Variants in WDR27 observed in about 807,000 individuals in gnomAD.
WDR27 encodes WD repeat-containing protein 27.
In WDR27, 100 loss-of-function variants were observed where a neutral mutation model predicts 114.4. That is an observed-to-expected ratio of 0.87 (90% CI 0.74 to 1.03). The LOEUF (loss-of-function observed/expected upper bound fraction) is 1.03. WDR27 is among the 50% of genes least tolerant of loss of function. The pLI, the probability that WDR27 is intolerant of heterozygous loss-of-function variation, is 0.00. For missense variants in WDR27, 1,129 were observed against 1,092.9 expected, an observed-to-expected ratio of 1.03 and a Z score of -0.47; for synonymous variants, 449 against 423.1, an observed-to-expected ratio of 1.06 and a Z score of -0.75.
At chr6:169,592,350 C>T (rs947443935) in intron 23 of WDR27, among the ~76,000 whole-genome samples, 5 of 152,028 alleles carry the variant, frequency 3.3e-5, no homozygotes, top group Non-Finnish European at 7.4e-5. Flanking sequence ...TAGGATTTTG[C>T]GTTTGTCCAG....
chr6:169,621,224 A>G (rs1813056715), intron 21 of WDR27, among the ~76,000 whole-genome samples: 1 of 152,218 alleles, frequency 6.6e-6, no homozygotes. Context: ...GCATATACAC[A>G]CACATGCACA....
At chr6:169,427,581 G>A in the WDR27 span, among the ~76,000 whole-genome samples, 1 of 152,126 alleles carries the variant, frequency 6.6e-6, no homozygotes, top group South Asian at 2.1e-4. Flanking sequence ...TGGGTCTCTG[G>A]TGTCTTTCCC....
intron 24 of WDR27, 35 bp downstream of exon 24, chr6:169,582,801 A>C: frequency 6.5e-7 from 1 of 1,536,442 alleles, no homozygotes; most frequent in Non-Finnish European, 9.0e-7. Flanking sequence ...ACTTGTATGC[A>C]GCAGAGGCGC....
At chr6:169,611,805 G>A (rs894919110) in intron 22 of WDR27, among the ~76,000 whole-genome samples, 2 of 152,104 alleles carry the variant, frequency 1.3e-5, no homozygotes, top group African/African-American at 4.8e-5. Context: ...GGTCTTCAGG[G>A]GCAGTGAAAT....
At chr6:169,456,366 GTGGTGGC>G (rs1429878570), downstream of WDR27, among the ~76,000 whole-genome samples, 1 of 151,042 alleles carries the variant, frequency 6.6e-6, no homozygotes, top group Non-Finnish European at 1.5e-5. The surrounding 1 kb of genome is among the most constrained non-coding windows in gnomAD (Gnocchi z 4.0). Context: ...ATAGAGACAA[GTGGTGGC>G]TGGTGAAGCT....
intron 14 of WDR27, among the ~76,000 whole-genome samples, chr6:169,649,526 T>C (rs1214586929): frequency 6.6e-6 from 1 of 152,036 alleles, no homozygotes; most frequent in East Asian, 1.9e-4. Context: ...AATAGGACCC[T>C]GATGCTTGGC....
At position 169,638,044 on chromosome 6, in the gene WDR27, C is replaced by T. The variant is rs1018602561; in HGVS notation, c.1869+495G>A. Among the ~76,000 whole-genome samples, 6 of 79,674 alleles carry T rather than the reference C, an allele frequency of 7.5e-5. 1 individual carries two copies. The highest frequency in any genetic ancestry group is 3.0e-4 in the African/African-American group (3 of 10,080). 52.3% of individuals were successfully genotyped at this position (79,674 alleles called of 152,430 possible). On this transcript the variant is annotated intron_variant, in intron 18 of 25. Coordinates refer to ENST00000448612, the MANE Select transcript of WDR27 (RefSeq NM_182552.5). ...ATTTAAGAAACTAATTGGCCGGGCG[C>T]GGTGGCTCACGCCTGTAATCCCAGC...
chr6:169,500,616 G>C (rs1013414511), intron 25 of WDR27, among the ~76,000 whole-genome samples: 3 of 152,132 alleles, frequency 2.0e-5, no homozygotes, highest in Non-Finnish European at 4.4e-5. Context: ...GTGGAGGAGG[G>C]GCAATGAGTA....
At chr6:169,566,299 T>G (rs1179161721) in intron 25 of WDR27, among the ~76,000 whole-genome samples, 1 of 152,208 alleles carries the variant, frequency 6.6e-6, no homozygotes, top group Non-Finnish European at 1.5e-5. Flanking sequence ...AGCTTGTGGC[T>G]AGACAGCAGC....
intron 23 of WDR27, among the ~76,000 whole-genome samples, chr6:169,600,128 A>G (rs528579114): frequency 2.0e-4 from 31 of 152,272 alleles, no homozygotes; most frequent in South Asian, 1.7e-3. Context: ...TCTGAGAGAC[A>G]GTTTGTTATA....
chr6:169,607,111 A>T (rs1290463911), intron 22 of WDR27, among the ~76,000 whole-genome samples: 1 of 152,216 alleles, frequency 6.6e-6, no homozygotes, highest in African/African-American at 2.4e-5. Flanking sequence ...GGATGCAGGG[A>T]AAAGGGAAAG....
the WDR27 span, among the ~76,000 whole-genome samples, chr6:169,439,938 ATAAT>A: frequency 2.7e-5 from 4 of 146,470 alleles, no homozygotes; most frequent in South Asian, 2.1e-4. Context: ...TATTGGTAAT[ATAAT>A]TATTTAATAT....
chr6:169,479,551 C>A (rs539173118), intron 25 of WDR27, among the ~76,000 whole-genome samples: 63 of 152,264 alleles, frequency 4.1e-4, no homozygotes, highest in African/African-American at 1.5e-3. Flanking sequence ...TATATGGTGA[C>A]AGTCAAACAA....
the WDR27 span, among the ~76,000 whole-genome samples, chr6:169,451,986 T>G: frequency 6.6e-6 from 1 of 152,228 alleles, no homozygotes; most frequent in Non-Finnish European, 1.5e-5. Flanking sequence ...CCTAATGCTG[T>G]CTTTTGAAGA....
intron 21 of WDR27, among the ~76,000 whole-genome samples, chr6:169,618,419 C>T (rs1049475831): frequency 2.0e-5 from 3 of 151,892 alleles, no homozygotes; most frequent in South Asian, 2.1e-4. Context: ...TCATAAAACA[C>T]GTATGCATTT....
chr6:169,451,322 A>G, the WDR27 span, among the ~76,000 whole-genome samples: 2 of 152,206 alleles, frequency 1.3e-5, no homozygotes, highest in African/African-American at 4.8e-5. Flanking sequence ...AGATAGAACC[A>G]ATGTACATCA....
the WDR27 span, among the ~76,000 whole-genome samples, chr6:169,450,762 C>T: frequency 6.6e-6 from 1 of 152,092 alleles, no homozygotes; most frequent in African/African-American, 2.4e-5. Context: ...TTCCACTCAG[C>T]GTAGCGGTCC....
chr6:169,526,003 C>T (rs1431837726), intron 25 of WDR27, among the ~76,000 whole-genome samples: 1 of 152,090 alleles, frequency 6.6e-6, no homozygotes, highest in Non-Finnish European at 1.5e-5. Flanking sequence ...TTGCACATTC[C>T]CCCTCATATG....
chr6:169,508,854 C>T (rs1220571859), intron 25 of WDR27, among the ~76,000 whole-genome samples: 1 of 152,160 alleles, frequency 6.6e-6, no homozygotes, highest in Non-Finnish European at 1.5e-5. Flanking sequence ...GGACTTTATT[C>T]ACTCTGGTAT....
Sources: gnomAD v4.1 joint callset for allele counts (sites outside exome capture counted in the v4.1 genomes callset) on GRCh38, gnomAD v4.1.1 for gene constraint, Gnocchi (gnomAD v3.1) non-coding constraint, MANE v1.5 for transcripts, NCBI Gene and HGNC (gene_info 2026-07-23, HGNC 2026-07-21) for gene names.